The following BCO1 variants were observed in gnomAD, a reference collection of about 807,000 sequenced individuals.
BCO1 encodes the protein beta-carotene oxygenase 1.
A neutral mutation model predicts 56.3 loss-of-function variants in BCO1; 54 were observed. The ratio of observed to expected loss-of-function variants is 0.96; its 90% CI spans 0.77 to 1.20. The LOEUF (loss-of-function observed/expected upper bound fraction) is 1.20, where lower values mean the gene tolerates loss of function less well. BCO1 is among the 50% of genes most tolerant of loss of function. The pLI is 0.00. For synonymous variants in BCO1, 318 were observed against 266.1 expected, an observed-to-expected ratio of 1.20 and a Z score of -1.90; for missense variants, 801 against 690.9, an observed-to-expected ratio of 1.16 and a Z score of -1.79.
chr16:81,273,697 A>G (rs1018157220), intron 7 of BCO1, among the ~76,000 whole-genome samples: 1 of 151,798 alleles, frequency 6.6e-6, no homozygotes, highest in African/African-American at 2.4e-5. Flanking sequence ...GAAAGGAAAC[A>G]CATCACTACC....
chr16:81,254,215 G>T (rs1905983490), intron 2 of BCO1, among the ~76,000 whole-genome samples: 1 of 151,314 alleles, frequency 6.6e-6, no homozygotes, highest in Non-Finnish European at 1.5e-5. Flanking sequence ...TGCAACCTCT[G>T]CCTCCTGGGT....
intron 9 of BCO1, 43 bp downstream of exon 9, chr16:81,285,677 G>A (rs1420457581): frequency 7.2e-7 from 1 of 1,385,858 alleles, no homozygotes; most frequent in South Asian, 1.2e-5. Flanking sequence ...TACAGTGATT[G>A]TGTCTATATG....
chr16:81,247,831 C>A lies in BCO1; in HGVS notation c.193+2228C>A, dbSNP rs1045291600. Among the ~76,000 whole-genome samples the A allele has an allele frequency of 8.5e-5, 13 of 152,102 alleles. No individual in the cohort carries two copies. In the East Asian group the frequency reaches 2.3e-3, roughly 27 times the overall value. Reference sequence around the variant, plus strand: ...ATGAGCCACCACGCCCGGCCCATCCCATTTCTATTTTAATTTATTTTAAAA... The same window carrying A: ...ATGAGCCACCACGCCCGGCCCATCCAATTTCTATTTTAATTTATTTTAAAA... On this transcript the variant is annotated intron_variant, in intron 2 of 10. Coordinates refer to ENST00000258168, the MANE Select transcript of BCO1 (RefSeq NM_017429.3).
intron 7 of BCO1, among the ~76,000 whole-genome samples, chr16:81,279,935 C>T (rs534510872): frequency 3.8e-4 from 58 of 152,090 alleles, no homozygotes; most frequent in Non-Finnish European, 7.2e-4. Flanking sequence ...ATTAAAGTCC[C>T]CCCAATCCCA....
At chr16:81,279,883 A>C (rs1178902896) in intron 7 of BCO1, among the ~76,000 whole-genome samples, 2 of 152,186 alleles carry the variant, frequency 1.3e-5, no homozygotes, top group East Asian at 3.8e-4. Context: ...AACTTTTCCT[A>C]GAAGAAAATA....
intron 1 of BCO1, among the ~76,000 whole-genome samples, chr16:81,241,644 A>G (rs1905115999): frequency 6.6e-6 from 1 of 152,188 alleles, no homozygotes. Flanking sequence ...GGTAAGAACC[A>G]TTCCTCTACA....
chr16:81,244,681 A>G (rs1312553771), intron 1 of BCO1, among the ~76,000 whole-genome samples: 1 of 151,320 alleles, frequency 6.6e-6, no homozygotes, highest in Non-Finnish European at 1.5e-5. Flanking sequence ...CTGTTTCACA[A>G]AGAACCTTTT....
intron 9 of BCO1, among the ~76,000 whole-genome samples, chr16:81,287,008 G>A (rs1908219664): frequency 2.0e-5 from 3 of 152,182 alleles, no homozygotes; most frequent in East Asian, 1.9e-4. Flanking sequence ...CCGGGAGGCC[G>A]AGGTTGCAGT....
intron 1 of BCO1, among the ~76,000 whole-genome samples, chr16:81,244,073 G>A (rs572746946): frequency 2.0e-5 from 3 of 152,354 alleles, no homozygotes; most frequent in South Asian, 4.1e-4. Flanking sequence ...TATCCGAGGT[G>A]CTTCCTGCTC....
intron 7 of BCO1, among the ~76,000 whole-genome samples, chr16:81,274,913 A>G (rs12599057): frequency 0.47 from 71,425 of 151,676 alleles, 17,336 homozygotes; most frequent in East Asian, 0.77. Flanking sequence ...AAAAAAAAAA[A>G]AAAGAAAGCT....
rs575112136 is a variant in BCO1, at chr16:81,243,967, C to T, written c.65-1508C>T. Among the ~76,000 whole-genome samples the T allele has an allele frequency of 2.0e-5, 3 of 152,342 alleles. No individual in the cohort carries two copies. In the South Asian group the frequency reaches 6.2e-4, roughly 32 times the overall value. On this transcript the variant is annotated intron_variant, in intron 1 of 10. Coordinates refer to ENST00000258168, the MANE Select transcript of BCO1 (RefSeq NM_017429.3). ...TCCTCTGGGTATGACGTAAAACATG[C>T]CTCTCGTGATCCCAACTGAGGGCAA... is the stretch of plus-strand genomic sequence containing the variant.
chr16:81,265,496 A>C (rs1158927010), intron 5 of BCO1, among the ~76,000 whole-genome samples: 2 of 54,798 alleles, frequency 3.6e-5, no homozygotes, highest in African/African-American at 9.9e-5. Context: ...CCCACCCATC[A>C]TGAATCCATT....
At chr16:81,276,345 C>T (rs1047154131) in intron 7 of BCO1, among the ~76,000 whole-genome samples, 2 of 152,184 alleles carry the variant, frequency 1.3e-5, no homozygotes, top group Non-Finnish European at 2.9e-5. Flanking sequence ...GGTGCTTCCA[C>T]CCCCACCCCA....
chr16:81,281,092 C>T, intron 8 of BCO1, 130 bp downstream of exon 8: 1 of 712,216 alleles, frequency 1.4e-6, no homozygotes, highest in Non-Finnish European at 2.5e-6. Flanking sequence ...CTTGGGATGC[C>T]CTGGTGAAAA....
rs7188870 is a variant in BCO1 at position 81,243,969 on chromosome 16, T to C, written c.65-1506T>C. Among the ~76,000 whole-genome samples the C allele has an allele frequency of 3.6e-3, 549 of 152,328 alleles. 3 individuals carry two copies. The highest frequency in any genetic ancestry group is 5.4e-3 in the Non-Finnish European group (367 of 68,032). On this transcript the variant is annotated intron_variant, in intron 1 of 10. Transcript: ENST00000258168. The stretch of plus-strand genomic sequence containing the variant: ...CTCTGGGTATGACGTAAAACATGCC[T>C]CTCGTGATCCCAACTGAGGGCAAGG...
At chr16:81,260,560 G>T (rs1370869405) in intron 3 of BCO1, among the ~76,000 whole-genome samples, 1 of 152,088 alleles carries the variant, frequency 6.6e-6, no homozygotes, top group African/African-American at 2.4e-5. Context: ...CCAAGCTGGA[G>T]TGCAATGGCG....
chr16:81,273,505 A>T (rs1907366455), intron 7 of BCO1, among the ~76,000 whole-genome samples: 1 of 151,982 alleles, frequency 6.6e-6, no homozygotes, highest in African/African-American at 2.4e-5. Flanking sequence ...CTGGCGTTTG[A>T]ACTGAGGTTT....
At chr16:81,249,666 G>A (rs1041506776) in intron 2 of BCO1, among the ~76,000 whole-genome samples, 5 of 152,190 alleles carry the variant, frequency 3.3e-5, no homozygotes, top group African/African-American at 9.7e-5. Flanking sequence ...CTCCCAAAGT[G>A]CTGGGATTAC....
chr16:81,289,861 C>CGTTT (rs199627561), intron 10 of BCO1, among the ~76,000 whole-genome samples: 1 of 152,052 alleles, frequency 6.6e-6, no homozygotes, highest in Non-Finnish European at 1.5e-5. Flanking sequence ...TTTGTTCATT[C>CGTTT]GTTTGTTTGT....
Sources: gnomAD v4.1 joint callset for allele counts (sites outside exome capture counted in the v4.1 genomes callset) on GRCh38, gnomAD v4.1.1 for gene constraint, MANE v1.5 for transcripts, NCBI Gene and HGNC (gene_info 2026-07-23, HGNC 2026-07-21) for gene names.